Variants in ABCD3 observed in about 807,000 individuals in gnomAD.
ABCD3 encodes ATP binding cassette subfamily D member 3.
ABCD3 carries 41 observed loss-of-function variants against 105.5 expected under a neutral mutation model. The ratio of observed to expected loss-of-function variants is 0.39; its 90% CI spans 0.30 to 0.50. The LOEUF is 0.50. Among genes scored for constraint, ABCD3 ranks in the 20% least tolerant of loss-of-function variants. ABCD3 has a pLI of 0.84. For missense variants in ABCD3, 622 were observed against 806.3 expected (o/e 0.77, Z 2.77); for synonymous variants, 258 against 269.0 (o/e 0.96, Z 0.40).
chr1:94,406,903 T>C, the ABCD3 span: 1 of 157,968 alleles, frequency 6.3e-6, no homozygotes, highest in Non-Finnish European at 1.4e-5. Flanking sequence ...GACTGAAAGA[T>C]GGTGGTTACA....
chr1:94,395,412 G>T, the ABCD3 span, among the ~76,000 whole-genome samples: 1 of 152,212 alleles, frequency 6.6e-6, no homozygotes, highest in East Asian at 1.9e-4. Context: ...TCAGGAGAGA[G>T]AGAGATTACT....
intron 1 of ABCD3, among the ~76,000 whole-genome samples, chr1:94,449,476 C>T (rs1314433539): frequency 6.6e-6 from 1 of 152,202 alleles, no homozygotes; most frequent in African/African-American, 2.4e-5. Flanking sequence ...GCATATTTAT[C>T]AATCTTGGCT....
At chr1:94,486,373 A>G (rs1030674844) in intron 10 of ABCD3, among the ~76,000 whole-genome samples, 1 of 152,168 alleles carries the variant, frequency 6.6e-6, no homozygotes, top group Non-Finnish European at 1.5e-5. Flanking sequence ...TTTACTAGTT[A>G]TGCTCTTTCA....
At chr1:94,454,753 G>A (rs1242726285) in intron 1 of ABCD3, among the ~76,000 whole-genome samples, 1 of 152,160 alleles carries the variant, frequency 6.6e-6, no homozygotes, top group Non-Finnish European at 1.5e-5. Flanking sequence ...CAGGGTTCAA[G>A]CCATTCTTCT....
Position 94,418,430 on chromosome 1 carries a change from C to A in ABCD3, c.-49C>A. Reference sequence around the variant, plus strand: ...CTGCGTGCAGTAAGGTAGCCGCCGCCGCCGCCGCCGCCGCGTCCCCTCGCC... The same window carrying A: ...CTGCGTGCAGTAAGGTAGCCGCCGCAGCCGCCGCCGCCGCGTCCCCTCGCC... On this transcript the variant is annotated 5_prime_UTR_variant, in exon 1 of 23. Transcript: ENST00000370214. The A allele has an allele frequency of 6.6e-7, 1 of 1,518,222 alleles. No individual in the cohort carries two copies. The highest frequency in any genetic ancestry group is 8.9e-7 in the Non-Finnish European group (1 of 1,124,296). 94.0% of individuals were successfully genotyped at this position (1,518,222 alleles called of 1,614,324 possible). A position where few individuals can be genotyped will look rare whatever the true frequency, so the allele number is the denominator to read the frequency against.
At chr1:94,491,043 G>C (rs986115350) in intron 15 of ABCD3, 141 bp from the exon 16 acceptor site, 2 of 626,692 alleles carry the variant, frequency 3.2e-6, no homozygotes, top group Admixed American at 6.0e-5. Context: ...TATGCCTGTT[G>C]GCCATCTGAA....
the ABCD3 span, among the ~76,000 whole-genome samples, chr1:94,395,178 A>C: frequency 1.3e-5 from 2 of 152,258 alleles, no homozygotes; most frequent in East Asian, 3.9e-4. Flanking sequence ...TCCCCCTAGC[A>C]AGAGGGTTAT....
chr1:94,516,867 G>A (rs1205167016), intron 22 of ABCD3, among the ~76,000 whole-genome samples, 185 bp from the exon 23 acceptor site: 1 of 151,864 alleles, frequency 6.6e-6, no homozygotes, highest in Non-Finnish European at 1.5e-5. Flanking sequence ...CTTGCATTTA[G>A]CACAGTTTAA....
chr1:94,444,349 A>AG lies in ABCD3; in HGVS notation c.111-14258_111-14257insG, dbSNP rs1252949805. On this transcript the variant is annotated intron_variant, in intron 1 of 22. Transcript: ENST00000370214. ...TCCATCTCAAAAAAAAAAAAAAAAA[A>AG]AAATGGAGTCCCACTGTGTTGTCCG... Among the ~76,000 whole-genome samples, 138 of 151,532 alleles carry AG rather than the reference A, an allele frequency of 9.1e-4. 1 individual carries two copies. The highest frequency in any genetic ancestry group is 3.1e-3 in the African/African-American group (127 of 41,346).
intron 1 of ABCD3, among the ~76,000 whole-genome samples, chr1:94,444,261 G>A (rs1660251748): frequency 6.6e-6 from 1 of 151,434 alleles, no homozygotes; most frequent in Admixed American, 6.6e-5. Context: ...GAACCTGGGA[G>A]GCGGAGGTTG....
chr1:94,453,464 G>A (rs1447939210), intron 1 of ABCD3, among the ~76,000 whole-genome samples: 1 of 151,698 alleles, frequency 6.6e-6, no homozygotes, highest in East Asian at 2.0e-4. Context: ...GACTACAGGT[G>A]CCCGCCACCT....
intron 8 of ABCD3, among the ~76,000 whole-genome samples, chr1:94,479,759 G>A (rs1254154263): frequency 6.6e-6 from 1 of 152,022 alleles, no homozygotes; most frequent in East Asian, 1.9e-4. Flanking sequence ...TTTTAGTATG[G>A]CAGAGTATAG....
At chr1:94,419,126 C>T (rs573795557) in intron 1 of ABCD3, among the ~76,000 whole-genome samples, 23 of 152,314 alleles carry the variant, frequency 1.5e-4, no homozygotes, top group African/African-American at 5.3e-4. Context: ...GCGAGGGTGG[C>T]TTCTATGAAA....
At chr1:94,398,782 C>T in the ABCD3 span, among the ~76,000 whole-genome samples, 7 of 152,064 alleles carry the variant, frequency 4.6e-5, no homozygotes, top group African/African-American at 1.2e-4. Flanking sequence ...GACATAGTGG[C>T]GGGCACCTGT....
At chr1:94,507,122 C>T (rs1208787436) in intron 21 of ABCD3, among the ~76,000 whole-genome samples, 1 of 151,900 alleles carries the variant, frequency 6.6e-6, no homozygotes, top group Non-Finnish European at 1.5e-5. Context: ...GTATATCTCC[C>T]AATGCTATCC....
At chr1:94,449,307 A>C (rs1319472943) in intron 1 of ABCD3, among the ~76,000 whole-genome samples, 1 of 152,248 alleles carries the variant, frequency 6.6e-6, no homozygotes, top group African/African-American at 2.4e-5. Flanking sequence ...ACTTGGGGAC[A>C]GATCAAGAAG....
chr1:94,407,822 A>C, the ABCD3 span, among the ~76,000 whole-genome samples: 3 of 152,366 alleles, frequency 2.0e-5, no homozygotes, highest in East Asian at 5.8e-4. Flanking sequence ...TTACATTTTT[A>C]AATGGTCAAT....
At chr1:94,385,191 T>A in the ABCD3 span, among the ~76,000 whole-genome samples, 1 of 152,016 alleles carries the variant, frequency 6.6e-6, no homozygotes, top group Non-Finnish European at 1.5e-5. Flanking sequence ...GAGTGAAGAA[T>A]GGGGCATTCT....
chr1:94,449,001 G>GAAACCAGCTGC (rs1553169008), intron 1 of ABCD3, among the ~76,000 whole-genome samples: 1 of 151,990 alleles, frequency 6.6e-6, no homozygotes, highest in East Asian at 1.9e-4. Flanking sequence ...AGCATCTACA[G>GAAACCAGCTGC]AAACCAGCTG....
Sources: allele counts gnomAD v4.1 joint callset (sites outside exome capture counted in the v4.1 genomes callset), GRCh38; gene constraint gnomAD v4.1.1; transcripts MANE v1.5; gene names NCBI Gene and HGNC (gene_info 2026-07-23, HGNC 2026-07-21).